The following FASN variants were observed in gnomAD, a reference collection of about 807,000 sequenced individuals.
FASN encodes 3-hydroxyacyl-[acyl-carrier-protein] dehydratase.
In FASN, 50 loss-of-function variants were observed where a neutral mutation model predicts 250.0. The ratio of observed to expected loss-of-function variants is 0.20; its 90% CI spans 0.16 to 0.25. The LOEUF is 0.25. Among genes scored for constraint, FASN ranks in the 10% least tolerant of loss-of-function variants. FASN has a pLI of 1.00. For synonymous variants in FASN, 1,909 were observed against 1,584.0 expected (o/e 1.21, Z -4.87); for missense variants, 3,031 against 3,498.5 (o/e 0.87, Z 3.37).
intron 12 of FASN, 33 bp from the exon 13 acceptor site, chr17:82,089,417 G>A: frequency 6.2e-7 from 1 of 1,612,658 alleles, no homozygotes; most frequent in Non-Finnish European, 8.5e-7. Flanking sequence ...TAAGCATCCT[G>A]GCTGGGCACC....
Position 82,092,499 on chromosome 17 carries a change from TG to T in FASN, c.984del (p.Asn328LysfsTer77). 6.3e-7 allele frequency: 1 copy of T among 1,598,986 alleles called. No homozygotes were observed. Among genetic ancestry groups the T allele is most frequent in the Non-Finnish European group, 8.5e-7 (1 of 1,175,356 alleles). On this transcript the variant is annotated frameshift_variant, in exon 8 of 43. Transcript: ENST00000306749. LOFTEE classifies it high-confidence loss of function. ...EPLLIGSTKS[N>X]MGHPEPASGL... ...CCCGAGGCTGGCTCCGGGTGCCCCA[TG>T]TTGGACTTGGTGGAGCCGATGAGCA...
In FASN at chr17:82,091,319, C is replaced by T. The variant is rs1316854136; in HGVS notation, c.1395G>A (p.Met465Ile). ...NDIAAVPATAMPFRGYAVLGG... is the reference protein window; with the variant it reads ...NDIAAVPATAIPFRGYAVLGG... ...CCAGCACAGCGTAGCCACGGAAGGG[C>T]ATGGCGGTGGCGGGGACAGCCGCGA... is the stretch of plus-strand genomic sequence containing the variant. Residue 465 changes from methionine (M) to isoleucine (I), a missense_variant, in exon 9 of 43, where the codon ATG becomes ATA. Coordinates refer to ENST00000306749, the MANE Select transcript of FASN (RefSeq NM_004104.5). The T allele has an allele frequency of 6.2e-7, 1 of 1,610,900 alleles. No individual in the cohort carries two copies. Among genetic ancestry groups the T allele is most frequent in the East Asian group, 2.2e-5 (1 of 44,820 alleles).
rs1190129055 is a variant in FASN at position 82,088,223 on chromosome 17, C to G, written c.2678G>C (p.Ser893Thr). ...GCGGGCCAGCGTCTTCCACACTATG[C>G]TCAGGTAGCCAGTGGCGGGGAAGAG... is the stretch of plus-strand genomic sequence containing the variant. ...RVLFPATGYL[S>T]IVWKTLARAL... The change falls in exon 17 of 43, where the codon AGC becomes ACC. Residue 893 changes from serine (S) to threonine (T), a missense_variant. Coordinates refer to ENST00000306749, the MANE Select transcript of FASN (RefSeq NM_004104.5). 2.5e-6 allele frequency: 4 copies of G among 1,611,324 alleles called. No individual in the cohort carries two copies. Among genetic ancestry groups the G allele is most frequent in the Non-Finnish European group, 1.7e-6 (2 of 1,179,986 alleles).
rs2034076771 is a variant in FASN, at chr17:82,085,378, TGGA to T, written c.4144_4146del (p.Ser1382del). 1 of 1,611,508 alleles carries T rather than the reference TGGA, an allele frequency of 6.2e-7. No homozygotes were observed. The highest frequency in any genetic ancestry group is 8.5e-7 in the Non-Finnish European group (1 of 1,179,510). On this transcript the variant is annotated inframe_deletion, in exon 24 of 43. Transcript: ENST00000306749. The stretch of plus-strand genomic sequence containing the variant: ...AGGCCCACCAGGCGCAGCGACACCC[TGGA>T]GAAGAGGCTCTCCCACGCGTCCTGT...
At chr17:82,089,837 G>A (rs2034172177) in intron 11 of FASN, 111 bp from the exon 12 acceptor site, 5 of 952,492 alleles carry the variant, frequency 5.2e-6, no homozygotes, top group South Asian at 2.8e-5. Flanking sequence ...GTGTGGTAAT[G>A]GCAGCCTTGG....
At position 82,080,438 on chromosome 17, in the gene FASN, G is replaced by A. The variant is rs1238193699; in HGVS notation, c.6979C>T (p.Pro2327Ser). ...MCSQLQAQQS[P>S]APTHNSLFLF... ...AAGAGGCTGTTGTGGGTGGGGGCTG[G>A]GCTCTGCTGGGCCTGCAGCTGGGAG... The change falls in exon 40 of 43, where the codon CCA becomes TCA. Residue 2327 changes from proline (P) to serine (S), a missense_variant. Physicochemically the swap from Pro to Ser is moderately conservative, Grantham distance 74 (BLOSUM62 -1). Transcript: ENST00000306749. 6.3e-7 allele frequency: 1 copy of A among 1,596,704 alleles called. No individual in the cohort carries two copies. Among genetic ancestry groups the A allele is most frequent in the Non-Finnish European group, 8.5e-7 (1 of 1,172,512 alleles).
At position 82,083,985 on chromosome 17, in the gene FASN, G is replaced by A; in HGVS notation, c.5088C>T (p.Phe1696=). 2.6e-6 allele frequency: 4 copies of A among 1,539,992 alleles called. No individual in the cohort carries two copies. The highest frequency in any genetic ancestry group is 3.5e-6 in the Non-Finnish European group (4 of 1,145,670). The change falls in exon 29 of 43, where the codon TTC becomes TTT. Residue 1696 remains phenylalanine, a synonymous_variant. Transcript: ENST00000306749. ...GGGGCGGGGCCTTACCCACGGTGGT[G>A]AAGACGCGGCAGCCCAGACTGAGGG... ...AIALSLGCRV[F]TTVGSAEKRA... is the part of the protein sequence containing the mutation.
Position 82,083,905 on chromosome 17 carries a change from G to A in FASN, c.5099-14C>T. The A allele has an allele frequency of 6.4e-7, 1 of 1,558,284 alleles. No homozygotes were observed. Among genetic ancestry groups the A allele is most frequent in the Non-Finnish European group, 8.7e-7 (1 of 1,151,092 alleles). On this transcript the variant is annotated splice_polypyrimidine_tract_variant and intron_variant, in intron 29 of 42. Coordinates refer to ENST00000306749, the MANE Select transcript of FASN (RefSeq NM_004104.5). ...TCTCAGCCGACCCTGGTGAAGAGAGGAAGCGCGGCTGGTGAGCCAGGGCGG... is the reference window on the plus strand; with the variant it reads ...TCTCAGCCGACCCTGGTGAAGAGAGAAAGCGCGGCTGGTGAGCCAGGGCGG...
At position 82,083,078 on chromosome 17, in the gene FASN, GCCC is replaced by G. The variant is rs746627809; in HGVS notation, c.5600_5602del (p.Gly1867del). 133 of 1,611,488 alleles carry G rather than the reference GCCC, an allele frequency of 8.3e-5. 1 individual carries two copies. In the South Asian group the frequency reaches 1.3e-3, roughly 16 times the overall value. Reference sequence around the variant, plus strand: ...GATGGCCGACATCAGCTTGGGTTTGGCCCCCTTCAGCACTGCCTCCGGCTCCTC... The same window carrying G: ...GATGGCCGACATCAGCTTGGGTTTGGCCTTCAGCACTGCCTCCGGCTCCTC... On this transcript the variant is annotated inframe_deletion, in exon 33 of 43. Coordinates refer to ENST00000306749, the MANE Select transcript of FASN (RefSeq NM_004104.5).
chr17:82,078,671 G>C lies in FASN; in HGVS notation c.*472C>G. ...GCGGGCTGAGCCAATGCCTGGCCGA[G>C]AGGGGGCCGCAGCCAGCAGGCTTGG... On this transcript the variant is annotated 3_prime_UTR_variant, in exon 43 of 43. Transcript: ENST00000306749. This position sits in a 1 kb window ranked among gnomAD's most constrained non-coding sequence, Gnocchi z 5.4. The C allele has an allele frequency of 4.2e-6, 1 of 238,376 alleles. No individual in the cohort carries two copies. Among genetic ancestry groups the C allele is most frequent in the South Asian group, 5.2e-5 (1 of 19,114 alleles). 14.8% of individuals were successfully genotyped at this position (238,376 alleles called of 1,614,324 possible). A position where few individuals can be genotyped will look rare whatever the true frequency, so the allele number is the denominator to read the frequency against.
At chr17:82,096,983 G>A in intron 1 of FASN, 1 of 240,000 alleles carries the variant, frequency 4.2e-6, no homozygotes, top group Admixed American at 5.2e-5. Flanking sequence ...GAGCCCTAGA[G>A]GGGGGTACTC....
rs759227466 is a variant in FASN at position 82,090,540 on chromosome 17, A to T, written c.1705T>A (p.Cys569Ser). The part of the protein sequence containing the change: ...IQIGLIDLLS[C>S]MGLRPDGIVG... ...ATGCCATCTGGCCTCAGCCCCATGC[A>T]GCTCAGCAGGTCTATGAGGCCTATC... Residue 569 changes from cysteine to serine, a missense_variant, in exon 11 of 43, where the codon TGC becomes AGC. Physicochemically the swap from Cys to Ser is moderately radical, Grantham distance 112 (BLOSUM62 -1). Transcript: ENST00000306749. The T allele has an allele frequency of 1.2e-6, 2 of 1,611,856 alleles. No individual in the cohort carries two copies. Among genetic ancestry groups the T allele is most frequent in the South Asian group, 2.2e-5 (2 of 90,910 alleles).
At chr17:82,085,953 TCA>T in intron 22 of FASN, 82 bp from the exon 23 acceptor site, 2 of 1,422,942 alleles carry the variant, frequency 1.4e-6, no homozygotes, top group South Asian at 1.4e-5. Flanking sequence ...CCATGAGGCC[TCA>T]GTCTGGCAGA....
chr17:82,081,034 CG>C, intron 38 of FASN, 112 bp from the exon 39 acceptor site: 2 of 1,391,482 alleles, frequency 1.4e-6, no homozygotes, highest in Non-Finnish European at 2.0e-6. Flanking sequence ...AGGTGGGAGT[CG>C]GGGTGGGAAC....
rs375276718 is a variant in FASN at position 82,081,264 on chromosome 17, C to T, written c.6495G>A (p.Thr2165=). The T allele has an allele frequency of 4.7e-5, 74 of 1,570,964 alleles. No homozygotes were observed. The South Asian group carries it at 5.5e-4, about 12-fold the overall frequency. Residue 2165 remains threonine (T), a synonymous_variant, in exon 38 of 43, where the codon ACG becomes ACA. Coordinates refer to ENST00000306749, the MANE Select transcript of FASN (RefSeq NM_004104.5). ...DSLMSVEVRQ[T]LERELNLVLS... ...GCACCAGGTTGAGCTCACGCTCCAG[C>T]GTCTGGCGCACCTCCACGCTCATGA...
At chr17:82,082,795 T>C (rs1000691046) in intron 33 of FASN, 117 bp from the exon 34 acceptor site, 2 of 1,548,426 alleles carry the variant, frequency 1.3e-6, no homozygotes, top group Non-Finnish European at 8.8e-7. Context: ...CCCCACAAGA[T>C]GGAGGGGGAC....
rs2034335464 is a variant in FASN, at chr17:82,098,153, GGA to G, written c.-42_-41del. 2.8e-5 allele frequency: 10 copies of G among 353,834 alleles called. No individual in the cohort carries two copies. In the East Asian group the frequency reaches 4.2e-4, roughly 15 times the overall value. 21.9% of individuals were successfully genotyped at this position (353,834 alleles called of 1,614,324 possible). On this transcript the variant is annotated 5_prime_UTR_variant, in exon 1 of 43. Transcript: ENST00000306749. ...GGGCGCGGGCGGCGGTGCGGGCGGC[GGA>G]GAGCGAGGCTGGAGCGCGGCGGAGC...
intron 33 of FASN, 68 bp downstream of exon 33, chr17:82,082,846 G>A: frequency 1.3e-6 from 2 of 1,587,282 alleles, no homozygotes; most frequent in Non-Finnish European, 1.7e-6. Context: ...GTGGGCTGCA[G>A]AGAAGGGCTC....
chr17:82,094,841 C>T (rs1175492189), intron 3 of FASN, among the ~76,000 whole-genome samples: 5 of 149,970 alleles, frequency 3.3e-5, no homozygotes, highest in Non-Finnish European at 5.9e-5. Context: ...GGCGCTTGTC[C>T]GAGGTCAAAT....
Sources: gnomAD v4.1 joint callset for allele counts (sites outside exome capture counted in the v4.1 genomes callset) on GRCh38, gnomAD v4.1.1 for gene constraint, Gnocchi (gnomAD v3.1) non-coding constraint, MANE v1.5 for transcripts, NCBI Gene and HGNC (gene_info 2026-07-23, HGNC 2026-07-21) for gene names.